Variants in THSD4 observed in about 807,000 individuals in gnomAD.
THSD4 encodes thrombospondin type 1 domain containing 4.
Under a neutral mutation model 119.0 loss-of-function variants are expected in THSD4, and 69 were observed. The ratio of observed to expected loss-of-function variants is 0.58; its 90% CI spans 0.48 to 0.71. The LOEUF (loss-of-function observed/expected upper bound fraction) is 0.71. Among genes scored for constraint, THSD4 ranks in the 30% least tolerant of loss-of-function variants. The pLI, the probability that THSD4 is intolerant of heterozygous loss-of-function variation, is 0.00. For synonymous variants in THSD4, 524 were observed against 540.4 expected (o/e 0.97, Z 0.42); for missense variants, 1,393 against 1,391.1 (o/e 1.00, Z -0.02).
At chr15:71,154,769 C>T (rs574331900) in intron 2 of THSD4, 94 bp from the exon 3 acceptor site, 11 of 1,279,248 alleles carry the variant, frequency 8.6e-6, no homozygotes, top group Admixed American at 5.1e-5. Context: ...CTGTTCCCCC[C>T]CCATCCACTG....
At chr15:71,097,962 G>A (rs1296968968) in intron 1 of THSD4, among the ~76,000 whole-genome samples, 2 of 151,826 alleles carry the variant, frequency 1.3e-5, no homozygotes, top group African/African-American at 4.8e-5. Context: ...TTCTCGCAGT[G>A]ATGTTTTTGG....
chr15:71,724,762 G>A (rs557840345), intron 8 of THSD4, among the ~76,000 whole-genome samples: 69 of 152,264 alleles, frequency 4.5e-4, no homozygotes, highest in Non-Finnish European at 7.5e-4. Context: ...TTATGACAGT[G>A]GACATGAAGA....
At chr15:71,508,284 C>T (rs993142854) in intron 7 of THSD4, among the ~76,000 whole-genome samples, 2 of 152,184 alleles carry the variant, frequency 1.3e-5, no homozygotes, top group Non-Finnish European at 2.9e-5. Flanking sequence ...CAATGAGTAG[C>T]TTACCATAAG....
chr15:71,628,587 A>G (rs1213611761), intron 7 of THSD4, among the ~76,000 whole-genome samples: 1 of 152,114 alleles, frequency 6.6e-6, no homozygotes, highest in Non-Finnish European at 1.5e-5. Context: ...CCTCTTCAGG[A>G]GGTTTAGGGT....
chr15:71,408,617 C>G (rs992302161), intron 6 of THSD4, among the ~76,000 whole-genome samples: 2 of 151,910 alleles, frequency 1.3e-5, no homozygotes, highest in African/African-American at 4.8e-5. Context: ...TTTGGGAGGC[C>G]GAGGCAGAAG....
chr15:71,328,898 C>T (rs1246727087), intron 6 of THSD4, among the ~76,000 whole-genome samples: 1 of 152,178 alleles, frequency 6.6e-6, no homozygotes, highest in African/African-American at 2.4e-5. Flanking sequence ...TCAAGTGGCC[C>T]GTGCTTGCTG....
chr15:71,326,686 AAAAAAAAAAAAAAAATATAT>A (rs1443499974), intron 6 of THSD4, among the ~76,000 whole-genome samples: 5 of 16,602 alleles, frequency 3.0e-4, no homozygotes, highest in African/African-American at 6.6e-4. Context: ...AAAAAAAAAA[AAAAAAAAAAAAAAAATATAT>A]ATATATATAT....
chr15:71,261,162 A>G (rs1302790096), intron 6 of THSD4, among the ~76,000 whole-genome samples: 3 of 152,196 alleles, frequency 2.0e-5, no homozygotes, highest in Non-Finnish European at 2.9e-5. Context: ...AGGTCACAGT[A>G]GAGTAGAATA....
At chr15:71,171,437 CT>C (rs2043362202) in intron 3 of THSD4, among the ~76,000 whole-genome samples, 1 of 152,060 alleles carries the variant, frequency 6.6e-6, no homozygotes, top group Admixed American at 6.6e-5. Flanking sequence ...GCAAAAATAT[CT>C]TTTAAAAATG....
intron 6 of THSD4, among the ~76,000 whole-genome samples, chr15:71,398,270 A>G (rs2046478296): frequency 6.6e-6 from 1 of 152,116 alleles, no homozygotes; most frequent in South Asian, 2.1e-4. Flanking sequence ...AGCACAGGGC[A>G]TTTGGGGAAG....
intron 7 of THSD4, among the ~76,000 whole-genome samples, chr15:71,603,977 A>G (rs2050061023): frequency 6.6e-6 from 1 of 152,234 alleles, no homozygotes; most frequent in Admixed American, 6.5e-5. Context: ...GAAAGAAAAA[A>G]TAGCCTTGGC....
chr15:71,113,224 A>G (rs2040320735), upstream of THSD4, among the ~76,000 whole-genome samples: 1 of 152,216 alleles, frequency 6.6e-6, no homozygotes, highest in African/African-American at 2.4e-5. Context: ...TATTATCTTG[A>G]CTTTAAAGAA....
At chr15:71,396,533 G>A (rs928224504) in intron 6 of THSD4, among the ~76,000 whole-genome samples, 1 of 152,090 alleles carries the variant, frequency 6.6e-6, no homozygotes, top group Non-Finnish European at 1.5e-5. Flanking sequence ...AGTTCCTGAC[G>A]GGAGAAACCC....
chr15:71,696,914 G>A (rs1217412735), intron 8 of THSD4, among the ~76,000 whole-genome samples: 1 of 152,146 alleles, frequency 6.6e-6, no homozygotes, highest in Non-Finnish European at 1.5e-5. Context: ...TCCACCCAAA[G>A]CCTGAAAATA....
chr15:71,400,202 G>C (rs1244017424), intron 6 of THSD4, among the ~76,000 whole-genome samples: 1 of 152,148 alleles, frequency 6.6e-6, no homozygotes, highest in East Asian at 1.9e-4. Flanking sequence ...TAAATTCCAA[G>C]TGTGGGATGG....
chr15:71,426,052 G>T (rs1232545008), intron 7 of THSD4, among the ~76,000 whole-genome samples: 1 of 152,140 alleles, frequency 6.6e-6, no homozygotes, highest in Non-Finnish European at 1.5e-5. Context: ...CTGGTGAAGG[G>T]AAAGAAGCCG....
chr15:71,702,581 C>T (rs1043006167), intron 8 of THSD4, among the ~76,000 whole-genome samples: 1 of 152,310 alleles, frequency 6.6e-6, no homozygotes, highest in African/African-American at 2.4e-5. Flanking sequence ...TATTGCCACC[C>T]TGTAACCCAC....
rs184324181 is a variant in THSD4 at position 71,580,207 on chromosome 15, C to T, written c.1153-80323C>T. ...GGTGACCTGCGAGCTGGACTTGAAACGCTAGAGAGATATGGAGAGATGTAG... is the reference window on the plus strand; with the variant it reads ...GGTGACCTGCGAGCTGGACTTGAAATGCTAGAGAGATATGGAGAGATGTAG... On this transcript the variant is annotated intron_variant, in intron 7 of 17. Coordinates refer to ENST00000261862, the MANE Select transcript of THSD4 (RefSeq NM_024817.3). 6.6e-5 allele frequency among the ~76,000 whole-genome samples: 10 copies of T among 152,042 alleles called. No homozygotes were observed. In the East Asian group the frequency reaches 7.7e-4, roughly 12 times the overall value.
At chr15:71,746,410 T>TTTTC (rs2053338331) in intron 12 of THSD4, among the ~76,000 whole-genome samples, 2 of 151,880 alleles carry the variant, frequency 1.3e-5, no homozygotes, top group Non-Finnish European at 2.9e-5. Context: ...CTTTTCTTTT[T>TTTTC]TTGAGACAGG....
Sources: gnomAD v4.1 joint callset for allele counts (sites outside exome capture counted in the v4.1 genomes callset) on GRCh38, gnomAD v4.1.1 for gene constraint, MANE v1.5 for transcripts, NCBI Gene and HGNC (gene_info 2026-07-23, HGNC 2026-07-21) for gene names.